The following ACTN1 variants were observed in gnomAD, a reference collection of about 807,000 sequenced individuals.
ACTN1 encodes actinin alpha 1, also known as alpha-actinin-1.
Under a neutral mutation model 119.6 loss-of-function variants are expected in ACTN1, and 30 were observed. The observed-to-expected ratio is 0.25, with a 90% CI of 0.19 to 0.34. The LOEUF is 0.34. ACTN1 is among the 10% of genes least tolerant of loss of function. The pLI is 1.00. For missense variants in ACTN1, 764 were observed against 1,223.4 expected, an observed-to-expected ratio of 0.62 and a Z score of 5.60; for synonymous variants, 429 against 472.6, an observed-to-expected ratio of 0.91 and a Z score of 1.20.
chr14:68,951,873 A>T (rs1175668128), intron 1 of ACTN1, among the ~76,000 whole-genome samples: 2 of 151,960 alleles, frequency 1.3e-5, no homozygotes, highest in Non-Finnish European at 2.9e-5. Flanking sequence ...GATTTTCTAA[A>T]CTCTTACCCT....
intron 2 of ACTN1, among the ~76,000 whole-genome samples, chr14:68,924,938 G>A (rs751906198): frequency 1.8e-4 from 28 of 152,182 alleles, no homozygotes; most frequent in Non-Finnish European, 4.0e-4. Context: ...GGGTGGAGAC[G>A]CCCAGCGAGG....
At chr14:68,931,217 C>G (rs897365491) in intron 1 of ACTN1, among the ~76,000 whole-genome samples, 5 of 152,210 alleles carry the variant, frequency 3.3e-5, no homozygotes, top group Non-Finnish European at 7.3e-5. Context: ...AAAACACCAA[C>G]CAGATGAAAT....
Position 68,889,838 on chromosome 14 carries a change from T to C in ACTN1, c.1234+301A>G, listed in dbSNP as rs58144912. ...AAAGTGAACACTCGGGGTAGAGGAT[T>C]TGACTGCAAAGTGAACACTCACACA... On this transcript the variant is annotated intron_variant, in intron 11 of 21. Transcript: ENST00000394419. Among the ~76,000 whole-genome samples, 279 of 152,134 alleles carry C rather than the reference T, an allele frequency of 1.8e-3. 10 individuals are homozygous for C. In the East Asian group the frequency reaches 0.045, roughly 24 times the overall value.
At chr14:68,931,406 C>A (rs1258306873) in intron 1 of ACTN1, among the ~76,000 whole-genome samples, 1 of 152,150 alleles carries the variant, frequency 6.6e-6, no homozygotes, top group East Asian at 1.9e-4. Context: ...GACCAGACAG[C>A]CCTTTGAGGG....
intron 8 of ACTN1, among the ~76,000 whole-genome samples, chr14:68,901,984 T>C (rs1431853389): frequency 6.6e-6 from 1 of 152,216 alleles, no homozygotes; most frequent in African/African-American, 2.4e-5. Context: ...TGAGGACAGA[T>C]CTGCTAAGTC....
intron 7 of ACTN1, 75 bp from the exon 8 acceptor site, chr14:68,902,637 A>G (rs1254183333): frequency 1.5e-5 from 19 of 1,252,394 alleles, no homozygotes; most frequent in Non-Finnish European, 2.1e-5. Flanking sequence ...GGCAGAAAGA[A>G]GCTCGCAGCA....
At chr14:68,975,143 T>C (rs547575817) in intron 1 of ACTN1, among the ~76,000 whole-genome samples, 15 of 152,354 alleles carry the variant, frequency 9.8e-5, no homozygotes, top group African/African-American at 2.6e-4. Context: ...GCAAACAATG[T>C]GTCCCCTCTT....
intron 8 of ACTN1, among the ~76,000 whole-genome samples, chr14:68,895,716 T>TA (rs1173759220): frequency 2.0e-5 from 3 of 152,236 alleles, no homozygotes; most frequent in African/African-American, 7.2e-5. Context: ...TTCACCTTGT[T>TA]ACTCTCCTGA....
rs556883971 is a variant in ACTN1, at chr14:68,876,799, A to T, written c.2586+283T>A. 1.5e-4 allele frequency among the ~76,000 whole-genome samples: 23 copies of T among 152,252 alleles called. No homozygotes were observed. The South Asian group carries it at 4.8e-3, about 32-fold the overall frequency. ...TCCAAGAGTCCGATCACACATCCAC[A>T]CCACTCTATTCTCATCTGCCACCCG... is the stretch of plus-strand genomic sequence containing the variant. On this transcript the variant is annotated intron_variant, in intron 21 of 21. Transcript: ENST00000394419.
At chr14:68,890,020 A>T (rs1391512349) in intron 11 of ACTN1, 119 bp downstream of exon 11, 1 of 1,445,058 alleles carries the variant, frequency 6.9e-7, no homozygotes, top group East Asian at 2.5e-5. Flanking sequence ...AAGCCATGGA[A>T]CTAGTAAGAG....
chr14:68,971,815 A>T (rs1318568725), intron 1 of ACTN1, among the ~76,000 whole-genome samples: 2 of 152,200 alleles, frequency 1.3e-5, no homozygotes, highest in African/African-American at 4.8e-5. Context: ...AGGACCAAGG[A>T]GGCAGTTTCC....
chr14:68,920,855 C>T, intron 3 of ACTN1, 151 bp downstream of exon 3: 5 of 1,097,022 alleles, frequency 4.6e-6, no homozygotes, highest in Non-Finnish European at 6.5e-6. Context: ...CAATACAAAG[C>T]CTCCACAGGC....
chr14:68,884,683 C>CT, intron 13 of ACTN1, 92 bp downstream of exon 13: 1 of 1,147,392 alleles, frequency 8.7e-7, no homozygotes. Context: ...GCCATAGAGT[C>CT]TTTTAGCCCA....
At chr14:68,968,838 T>C (rs2036787217) in intron 1 of ACTN1, among the ~76,000 whole-genome samples, 1 of 152,254 alleles carries the variant, frequency 6.6e-6, no homozygotes, top group Non-Finnish European at 1.5e-5. Flanking sequence ...GACATGTGCC[T>C]GGCCCAAAGC....
intron 1 of ACTN1, among the ~76,000 whole-genome samples, chr14:68,931,437 C>G (rs576281997): frequency 6.6e-6 from 1 of 152,192 alleles, no homozygotes; most frequent in Non-Finnish European, 1.5e-5. Context: ...AACTGGGGCT[C>G]TATGACCAGG....
chr14:68,877,439 A>T (rs1282824774), intron 20 of ACTN1, 199 bp from the exon 21 acceptor site: 1 of 576,896 alleles, frequency 1.7e-6, no homozygotes, highest in Non-Finnish European at 3.0e-6. Context: ...GGTTCCCCAC[A>T]CCCTGCAGAT....
At chr14:68,965,877 A>G (rs1249714315) in intron 1 of ACTN1, among the ~76,000 whole-genome samples, 1 of 152,226 alleles carries the variant, frequency 6.6e-6, no homozygotes. Context: ...AGTTAACTTC[A>G]GGGCCAGGCT....
At chr14:68,898,057 G>C (rs2033003500) in intron 8 of ACTN1, among the ~76,000 whole-genome samples, 1 of 152,256 alleles carries the variant, frequency 6.6e-6, no homozygotes, top group Non-Finnish European at 1.5e-5. Flanking sequence ...GCAGTCTTGT[G>C]ACTGCACCTG....
chr14:68,919,891 G>A (rs575534293), intron 3 of ACTN1, among the ~76,000 whole-genome samples: 35 of 152,282 alleles, frequency 2.3e-4, no homozygotes, highest in African/African-American at 7.5e-4. Flanking sequence ...AGCCGGACTC[G>A]ACCCCATGCA....
Sources: allele counts gnomAD v4.1 joint callset (sites outside exome capture counted in the v4.1 genomes callset), GRCh38; gene constraint gnomAD v4.1.1; transcripts MANE v1.5; gene names NCBI Gene and HGNC (gene_info 2026-07-23, HGNC 2026-07-21).